ZNF385D: variants seen among roughly 807,000 people sequenced by gnomAD.
The protein encoded by ZNF385D is zinc finger protein 659.
A neutral mutation model predicts 35.8 loss-of-function variants in ZNF385D; 15 were observed. That is an observed-to-expected ratio of 0.42 (90% CI 0.28 to 0.64). The LOEUF is 0.64. ZNF385D is among the 30% of genes least tolerant of loss of function. The pLI is 0.23. For missense variants in ZNF385D, 474 were observed against 494.6 expected, an observed-to-expected ratio of 0.96 and a Z score of 0.39; for synonymous variants, 212 against 186.8, an observed-to-expected ratio of 1.13 and a Z score of -1.10.
chr3:21,473,806 G>A (rs1442309731), intron 4 of ZNF385D, among the ~76,000 whole-genome samples: 1 of 152,058 alleles, frequency 6.6e-6, no homozygotes, highest in Non-Finnish European at 1.5e-5. Flanking sequence ...GCTGACCAGA[G>A]ATTCAGAGAC....
chr3:21,622,596 C>T (rs1290589047), intron 2 of ZNF385D, among the ~76,000 whole-genome samples: 1 of 152,080 alleles, frequency 6.6e-6, no homozygotes, highest in Non-Finnish European at 1.5e-5. Context: ...ATGTTAAAGG[C>T]TTCACGTAAT....
At chr3:22,234,258 T>A (rs955135087) in intron 2 of ZNF385D, among the ~76,000 whole-genome samples, 1 of 152,102 alleles carries the variant, frequency 6.6e-6, no homozygotes, top group Non-Finnish European at 1.5e-5. Flanking sequence ...ATCTCCTCAA[T>A]GTATTTTATT....
At chr3:22,244,381 A>C (rs2125318762) in intron 2 of ZNF385D, among the ~76,000 whole-genome samples, 1 of 149,048 alleles carries the variant, frequency 6.7e-6, no homozygotes, top group East Asian at 2.0e-4. Flanking sequence ...AAAAAAAAAA[A>C]AAAAAAAAAA....
chr3:21,413,411 G>A lies in ZNF385D; in HGVS notation c.*7803C>T, dbSNP rs1700519715. Reference sequence around the variant, plus strand: ...ATCACTGTGGCTGACCAATGATTCGGAATCTCACATTGGTGTGACTAGTGA... The same window carrying A: ...ATCACTGTGGCTGACCAATGATTCGAAATCTCACATTGGTGTGACTAGTGA... On this transcript the variant is annotated 3_prime_UTR_variant, in exon 8 of 8. Transcript: ENST00000281523. 1.3e-5 allele frequency: 2 copies of A among 152,060 alleles called. No homozygotes were observed. The highest frequency in any genetic ancestry group is 2.1e-4 in the South Asian group (1 of 4,830). 9.4% of individuals were successfully genotyped at this position (152,060 alleles called of 1,614,324 possible).
intron 3 of ZNF385D, among the ~76,000 whole-genome samples, chr3:21,815,234 A>G (rs539833099): frequency 2.0e-5 from 3 of 152,340 alleles, no homozygotes; most frequent in South Asian, 2.1e-4. Flanking sequence ...AGAAAGCAGG[A>G]AAGATCTAAA....
chr3:22,288,760 A>G (rs554050264), intron 2 of ZNF385D, among the ~76,000 whole-genome samples: 3 of 152,132 alleles, frequency 2.0e-5, no homozygotes, highest in African/African-American at 7.2e-5. Flanking sequence ...CATTTGGAAC[A>G]TATTTCCCTT....
intron 1 of ZNF385D, among the ~76,000 whole-genome samples, chr3:21,694,721 G>C (rs911097704): frequency 1.3e-5 from 2 of 152,156 alleles, no homozygotes; most frequent in African/African-American, 4.8e-5. Context: ...CAGTGATTAA[G>C]CATAACTTAG....
chr3:21,466,801 G>C (rs1233608792), intron 4 of ZNF385D, among the ~76,000 whole-genome samples: 1 of 152,130 alleles, frequency 6.6e-6, no homozygotes, highest in Non-Finnish European at 1.5e-5. Context: ...ATGAGCTATT[G>C]GCTTTGATAG....
chr3:21,938,971 G>T (rs1372239716), intron 3 of ZNF385D, among the ~76,000 whole-genome samples: 1 of 152,168 alleles, frequency 6.6e-6, no homozygotes, highest in Non-Finnish European at 1.5e-5. Context: ...TCCAGTTCAA[G>T]GCCCATCTTT....
chr3:21,740,419 C>A (rs1460026242), intron 1 of ZNF385D, among the ~76,000 whole-genome samples: 2 of 152,148 alleles, frequency 1.3e-5, no homozygotes, highest in African/African-American at 4.8e-5. Flanking sequence ...GTAATTTGTA[C>A]AAACACTAAG....
intron 3 of ZNF385D, among the ~76,000 whole-genome samples, chr3:21,865,045 C>CT (rs3073907): frequency 0.026 from 555 of 21,190 alleles, 73 homozygotes; most frequent in African/African-American, 0.048. Flanking sequence ...ACAGGGAAGA[C>CT]TTTTTTTTTT....
chr3:22,210,065 T>C (rs1559454189), intron 2 of ZNF385D, among the ~76,000 whole-genome samples: 1 of 151,780 alleles, frequency 6.6e-6, no homozygotes, highest in Non-Finnish European at 1.5e-5. Context: ...AAAAGAAACC[T>C]ATAGGAAACT....
chr3:21,657,865 G>T (rs142914788), intron 2 of ZNF385D, among the ~76,000 whole-genome samples: 2 of 152,024 alleles, frequency 1.3e-5, no homozygotes, highest in East Asian at 3.9e-4. Context: ...ACTGGCTGAG[G>T]GAAAGAAGGC....
chr3:22,328,671 G>A (rs528658362), intron 2 of ZNF385D, among the ~76,000 whole-genome samples: 1 of 151,954 alleles, frequency 6.6e-6, no homozygotes, highest in African/African-American at 2.4e-5. Flanking sequence ...ACTGAGGCAG[G>A]AGAATCGCTT....
In ZNF385D at chr3:21,421,261, C is replaced by A; in HGVS notation, c.1141G>T (p.Gly381Ter). The change falls in exon 8 of 8, where the codon GGA becomes TGA. Residue 381 changes from glycine (G) to a stop codon, truncating the protein, a stop_gained. Coordinates refer to ENST00000281523, the MANE Select transcript of ZNF385D (RefSeq NM_024697.3). LOFTEE classifies it high-confidence loss of function. The stretch of plus-strand genomic sequence containing the variant: ...GGAGTGTGGGCGGTCCGAATGGGTC[C>A]AGGAGCTGGCCGCAGGAGTGCCGGA... ...LPPALLRPAP[G>*]PIRTAHTPVL... 6.2e-7 allele frequency: 1 copy of A among 1,613,922 alleles called. No homozygotes were observed. Among genetic ancestry groups the A allele is most frequent in the Non-Finnish European group, 8.5e-7 (1 of 1,179,996 alleles).
intron 1 of ZNF385D, among the ~76,000 whole-genome samples, chr3:21,726,228 A>T (rs1267884989): frequency 1.3e-5 from 2 of 152,204 alleles, no homozygotes; most frequent in Non-Finnish European, 2.9e-5. Flanking sequence ...ATCATACCGA[A>T]TGGGCAAAAA....
At chr3:22,145,824 T>A (rs1476486674) in intron 3 of ZNF385D, among the ~76,000 whole-genome samples, 1 of 152,178 alleles carries the variant, frequency 6.6e-6, no homozygotes, top group African/African-American at 2.4e-5. Flanking sequence ...GAGCTCTGTG[T>A]CTTAGCCACT....
chr3:22,033,975 G>A (rs896061947), intron 3 of ZNF385D, among the ~76,000 whole-genome samples: 11 of 152,056 alleles, frequency 7.2e-5, no homozygotes, highest in African/African-American at 1.9e-4. Context: ...AACCTGAGAC[G>A]GTTTGCTTAG....
At chr3:22,313,884 C>T (rs900421884) in intron 2 of ZNF385D, among the ~76,000 whole-genome samples, 1 of 152,034 alleles carries the variant, frequency 6.6e-6, no homozygotes, top group Non-Finnish European at 1.5e-5. Flanking sequence ...TCCTCAGGAC[C>T]CTACCTCTTC....
Sources: gnomAD v4.1 joint callset for allele counts (sites outside exome capture counted in the v4.1 genomes callset) on GRCh38, gnomAD v4.1.1 for gene constraint, MANE v1.5 for transcripts, NCBI Gene and HGNC (gene_info 2026-07-23, HGNC 2026-07-21) for gene names.